Variants in RRM2 observed in about 807,000 individuals in gnomAD.
RRM2 encodes ribonucleoside-diphosphate reductase subunit M2.
A neutral mutation model predicts 45.9 loss-of-function variants in RRM2; 6 were observed. That is an observed-to-expected ratio of 0.13 (90% CI 0.07 to 0.26). The LOEUF is 0.26. Ranked by LOEUF, RRM2 falls within the 10% of genes least tolerant of loss-of-function variation. The probability of loss-of-function intolerance (pLI) is 1.00; values close to 1 mark genes in which losing one functional copy is unlikely to be tolerated. For synonymous variants in RRM2, 177 were observed against 173.0 expected (o/e 1.02, Z -0.18); for missense variants, 343 against 489.5 (o/e 0.70, Z 2.82).
intron 3 of RRM2, among the ~76,000 whole-genome samples, chr2:10,208,192 C>T (rs1328883832): frequency 2.0e-5 from 3 of 152,000 alleles, no homozygotes; most frequent in East Asian, 1.9e-4. Context: ...AGAAGGAAGC[C>T]GAAGGGACAG....
intron 3 of RRM2, among the ~76,000 whole-genome samples, chr2:10,186,845 C>T (rs1388079922): frequency 1.3e-5 from 2 of 152,228 alleles, no homozygotes; most frequent in Non-Finnish European, 2.9e-5. Context: ...GGAGCCAGGC[C>T]CCACCTCCAC....
rs150113461 is a variant in RRM2 at position 10,156,549 on chromosome 2, G to A, written n.482+14174G>A. On this transcript the variant is annotated intron_variant and non_coding_transcript_variant, in intron 3 of 3. Transcript: ENST00000381786. ...CTTGCCTCCTGGGAAAGTTCTCACA[G>A]AAAGAGAGAACAGAGGTGCAAAAGC... Among the ~76,000 whole-genome samples, 22 of 152,352 alleles carry A rather than the reference G, an allele frequency of 1.4e-4. No homozygotes were observed. The Middle Eastern group carries it at 0.01, about 71-fold the overall frequency.
At chr2:10,196,591 GC>G (rs1664420289) in intron 3 of RRM2, among the ~76,000 whole-genome samples, 1 of 152,172 alleles carries the variant, frequency 6.6e-6, no homozygotes, top group Non-Finnish European at 1.5e-5. Flanking sequence ...GTCCCACCCA[GC>G]AAAACCCTCT....
At chr2:10,133,441 G>A (rs1006864117), downstream of RRM2, among the ~76,000 whole-genome samples, 4 of 152,206 alleles carry the variant, frequency 2.6e-5, no homozygotes, top group Non-Finnish European at 5.9e-5. Flanking sequence ...ACCTGGCCAG[G>A]GAGCTAACTG....
exon 4 of RRM2, chr2:10,210,643 G>A (rs1379398548): frequency 4.5e-6 from 6 of 1,342,394 alleles, no homozygotes; most frequent in East Asian, 4.6e-5. Context: ...CTCTCATGCC[G>A]GAGTGGGGGA....
chr2:10,198,502 A>G (rs1007805681), intron 3 of RRM2: 9 of 151,750 alleles, frequency 5.9e-5, no homozygotes, highest in African/African-American at 2.2e-4. Flanking sequence ...TCTCTGGCTC[A>G]AGCAATCCTC....
intron 3 of RRM2, among the ~76,000 whole-genome samples, chr2:10,147,803 C>A (rs1056920969): frequency 6.6e-6 from 1 of 152,100 alleles, no homozygotes; most frequent in Non-Finnish European, 1.5e-5. Context: ...TACCTCTATG[C>A]TATCTTTTTC....
chr2:10,166,931 A>G (rs531561546), intron 3 of RRM2, among the ~76,000 whole-genome samples: 1 of 152,326 alleles, frequency 6.6e-6, no homozygotes, highest in South Asian at 2.1e-4. Context: ...CCTGTTAGGA[A>G]ACAAGTGTGT....
intron 3 of RRM2, among the ~76,000 whole-genome samples, chr2:10,193,566 G>A (rs1288892068): frequency 6.6e-6 from 1 of 152,262 alleles, no homozygotes; most frequent in Non-Finnish European, 1.5e-5. Flanking sequence ...GCTCAGGGGC[G>A]GAGGGCTCTG....
At chr2:10,148,448 TTG>T (rs1389067209) in intron 3 of RRM2, among the ~76,000 whole-genome samples, 1 of 152,202 alleles carries the variant, frequency 6.6e-6, no homozygotes, top group East Asian at 1.9e-4. Context: ...TTTCTAGTCT[TTG>T]TGTTTGATTG....
At chr2:10,184,091 TAAAAAAAAAAA>T (rs60421650) in intron 3 of RRM2, among the ~76,000 whole-genome samples, 50 of 30,684 alleles carry the variant, frequency 1.6e-3, no homozygotes, top group African/African-American at 5.6e-3. Flanking sequence ...AGACTCCATC[TAAAAAAAAAAA>T]AAAAAAAAAA....
chr2:10,134,961 A>G (rs1662965882), downstream of RRM2, among the ~76,000 whole-genome samples: 1 of 152,256 alleles, frequency 6.6e-6, no homozygotes. Flanking sequence ...TCTCATTTGA[A>G]TGAAGCTGCA....
chr2:10,138,433 C>G (rs1013730503), upstream of RRM2, among the ~76,000 whole-genome samples: 3 of 152,042 alleles, frequency 2.0e-5, no homozygotes, highest in Non-Finnish European at 4.4e-5. Context: ...TCCCAAAGTG[C>G]TGGGATTACA....
At chr2:10,188,584 A>G (rs1167533061) in intron 3 of RRM2, among the ~76,000 whole-genome samples, 1 of 151,572 alleles carries the variant, frequency 6.6e-6, no homozygotes, top group African/African-American at 2.4e-5. Context: ...GTTGGGCTTC[A>G]GCATATGGAT....
chr2:10,174,451 C>G (rs930574772), intron 3 of RRM2, among the ~76,000 whole-genome samples: 6 of 152,122 alleles, frequency 3.9e-5, no homozygotes, highest in African/African-American at 1.4e-4. Context: ...CTCTGTGTCC[C>G]CCGCCAAAGC....
chr2:10,177,049 C>T (rs1307374725), intron 3 of RRM2, among the ~76,000 whole-genome samples: 1 of 152,074 alleles, frequency 6.6e-6, no homozygotes, highest in Non-Finnish European at 1.5e-5. Context: ...AGTTTGAGAC[C>T]AGCCTGACCA....
Position 10,209,598 on chromosome 2 carries a change from C to CGT in RRM2, n.483-705_483-704dup, listed in dbSNP as rs901389051. 7.9e-5 allele frequency among the ~76,000 whole-genome samples: 9 copies of CGT among 113,274 alleles called. No individual in the cohort carries two copies. The Admixed American group carries it at 8.6e-4, about 11-fold the overall frequency. The allele number at this position is 113,274 out of a possible 152,430, so 74.3% of individuals were successfully genotyped here. A position where few individuals can be genotyped will look rare whatever the true frequency, so the allele number is the denominator to read the frequency against. ...GCATGTGTGTGTGTGTGTGCGCGCG[C>CGT]GTGTGTGTGCGTGCATGCGTGTGTG... On this transcript the variant is annotated intron_variant and non_coding_transcript_variant, in intron 3 of 3. Coordinates refer to the RRM2 transcript ENST00000381786.
intron 3 of RRM2, among the ~76,000 whole-genome samples, chr2:10,176,354 C>T (rs923311549): frequency 4.6e-5 from 7 of 151,900 alleles, no homozygotes; most frequent in African/African-American, 1.2e-4. Flanking sequence ...CTGCAACCTC[C>T]GCCTCCCGGG....
At chr2:10,152,794 T>C (rs928614549) in intron 3 of RRM2, among the ~76,000 whole-genome samples, 2 of 152,034 alleles carry the variant, frequency 1.3e-5, no homozygotes, top group African/African-American at 4.8e-5. Context: ...CTGTGTACTA[T>C]TCTTAAGAAA....
Sources: gnomAD v4.1 joint callset for allele counts (sites outside exome capture counted in the v4.1 genomes callset) on GRCh38, gnomAD v4.1.1 for gene constraint, MANE v1.5 for transcripts, NCBI Gene and HGNC (gene_info 2026-07-23, HGNC 2026-07-21) for gene names.